Variants in ACYP2 observed in about 807,000 individuals in gnomAD.
ACYP2 encodes the protein acylphosphatase 2, also known as acylphosphatase-2.
A neutral mutation model predicts 11.2 loss-of-function variants in ACYP2; 12 were observed. That is an observed-to-expected ratio of 1.08 (90% CI 0.69 to 1.74). The LOEUF (loss-of-function observed/expected upper bound fraction) is 1.74, where lower values mean the gene tolerates loss of function less well. Ranked by LOEUF, ACYP2 falls within the 40% of genes most tolerant of loss-of-function variation. The pLI is 0.00. For missense variants in ACYP2, 134 were observed against 101.9 expected, an observed-to-expected ratio of 1.31 and a Z score of -1.35; for synonymous variants, 43 against 32.2, an observed-to-expected ratio of 1.33 and a Z score of -1.13.
intron 2 of ACYP2, among the ~76,000 whole-genome samples, chr2:54,040,841 T>C (rs771940780): frequency 6.6e-6 from 1 of 152,060 alleles, no homozygotes; most frequent in Non-Finnish European, 1.5e-5. Flanking sequence ...ATGGGGAATA[T>C]AGACAACCCC....
chr2:54,162,913 G>C (rs1274499180), intron 6 of ACYP2, among the ~76,000 whole-genome samples: 7 of 152,162 alleles, frequency 4.6e-5, no homozygotes, highest in Non-Finnish European at 1.0e-4. Context: ...GCTTGAGCCT[G>C]AGAAGTCAAG....
chr2:54,060,698 T>C (rs983912724), intron 4 of ACYP2, among the ~76,000 whole-genome samples: 2 of 152,228 alleles, frequency 1.3e-5, no homozygotes, highest in Admixed American at 6.5e-5. Context: ...CCATGTGTAG[T>C]CATAAGGCAT....
chr2:54,176,259 G>T (rs7558041), intron 6 of ACYP2, among the ~76,000 whole-genome samples: 1 of 152,094 alleles, frequency 6.6e-6, no homozygotes. Context: ...GCATTGTCTC[G>T]GTTATGCCCT....
intron 6 of ACYP2, among the ~76,000 whole-genome samples, chr2:54,193,455 C>T (rs1684322720): frequency 6.6e-6 from 1 of 152,062 alleles, no homozygotes; most frequent in Admixed American, 6.6e-5. Context: ...GGATGAGCTC[C>T]CAGAGCTGAC....
chr2:54,292,694 ACACACACACACACACG>A (rs1689361068), intron 6 of ACYP2, among the ~76,000 whole-genome samples: 1 of 147,146 alleles, frequency 6.8e-6, no homozygotes, highest in African/African-American at 2.7e-5. Flanking sequence ...ACACACACAC[ACACACACACACACACG>A]TGTATGTATC....
At chr2:54,246,447 C>T (rs1686954519) in intron 6 of ACYP2, among the ~76,000 whole-genome samples, 1 of 152,084 alleles carries the variant, frequency 6.6e-6, no homozygotes, top group African/African-American at 2.4e-5. Context: ...GTAAATATGG[C>T]ACATTTCTAA....
intron 2 of ACYP2, among the ~76,000 whole-genome samples, chr2:54,032,039 T>G (rs1458698372): frequency 6.6e-6 from 1 of 152,236 alleles, no homozygotes; most frequent in Non-Finnish European, 1.5e-5. Flanking sequence ...CTTTGTCAGA[T>G]GAGTAGATTG....
At chr2:54,024,438 G>T (rs897764478) in intron 2 of ACYP2, among the ~76,000 whole-genome samples, 6 of 152,082 alleles carry the variant, frequency 3.9e-5, no homozygotes, top group Non-Finnish European at 7.4e-5. Flanking sequence ...TTTAACATAC[G>T]CAAATCAATA....
Position 54,178,846 on chromosome 2 carries a change from C to T in ACYP2, c.404+40098C>T, listed in dbSNP as rs561669264. ...CCATGAACTTTTCAGTTCTGAGCTG[C>T]GAGTTCTGTTCATTATTCAGTGACC... On this transcript the variant is annotated intron_variant, in intron 6 of 6. Coordinates refer to ENST00000607452, the MANE Select transcript of ACYP2 (RefSeq NM_001320586.2). Among the ~76,000 whole-genome samples, 9 of 152,222 alleles carry T rather than the reference C, an allele frequency of 5.9e-5. No homozygotes were observed. The East Asian group carries it at 1.4e-3, about 23-fold the overall frequency.
At chr2:54,201,602 TTC>T (rs1193045909) in intron 6 of ACYP2, among the ~76,000 whole-genome samples, 1 of 86,272 alleles carries the variant, frequency 1.2e-5, no homozygotes, top group East Asian at 6.4e-4. Context: ...TTCTCTTTCT[TTC>T]TTTCTTTCTT....
intron 4 of ACYP2, among the ~76,000 whole-genome samples, chr2:54,113,192 G>C (rs1328794804): frequency 1.3e-5 from 2 of 151,758 alleles, no homozygotes; most frequent in African/African-American, 4.8e-5. Flanking sequence ...GTATTGTTCA[G>C]GGAATGATGA....
chr2:54,156,667 A>T (rs974755700), intron 6 of ACYP2, among the ~76,000 whole-genome samples: 1 of 151,944 alleles, frequency 6.6e-6, no homozygotes, highest in African/African-American at 2.4e-5. Context: ...TTATTTATGT[A>T]TTCATTTTTA....
intron 4 of ACYP2, chr2:54,065,556 A>C (rs1278835717): frequency 2.5e-6 from 1 of 398,458 alleles, no homozygotes; most frequent in Non-Finnish European, 4.4e-6. Flanking sequence ...AATAGTATTC[A>C]GAGCTGAGGC....
chr2:54,217,667 G>A lies in ACYP2; in HGVS notation c.404+78919G>A, dbSNP rs114352278. ...AGATTACAGGCGTGAGCCTGTATGTGCCTGGCCAGAGTTTCACTATTAATT... is the reference window on the plus strand; with the variant it reads ...AGATTACAGGCGTGAGCCTGTATGTACCTGGCCAGAGTTTCACTATTAATT... On this transcript the variant is annotated intron_variant, in intron 6 of 6. Coordinates refer to ENST00000607452, the MANE Select transcript of ACYP2 (RefSeq NM_001320586.2). Among the ~76,000 whole-genome samples, 800 of 152,184 alleles carry A rather than the reference G, an allele frequency of 5.3e-3. 5 individuals carry two copies. The highest frequency in any genetic ancestry group is 0.018 in the African/African-American group (766 of 41,530).
chr2:54,111,545 T>C (rs1053087742), intron 4 of ACYP2, among the ~76,000 whole-genome samples: 2 of 152,262 alleles, frequency 1.3e-5, no homozygotes, highest in African/African-American at 4.8e-5. Flanking sequence ...GCTTTGCTGA[T>C]AGAACGCTTA....
At chr2:54,298,287 A>G (rs1313774615) in intron 6 of ACYP2, among the ~76,000 whole-genome samples, 2 of 152,226 alleles carry the variant, frequency 1.3e-5, no homozygotes, top group Non-Finnish European at 2.9e-5. Flanking sequence ...TGTCTATTCA[A>G]AATTAAGACA....
intron 2 of ACYP2, among the ~76,000 whole-genome samples, chr2:53,997,245 C>A (rs1340040314): frequency 6.6e-6 from 1 of 152,056 alleles, no homozygotes; most frequent in Non-Finnish European, 1.5e-5. Flanking sequence ...TAGTATTGAC[C>A]CTTCCTCAGA....
chr2:54,052,157 A>T (rs1675902007), intron 3 of ACYP2, among the ~76,000 whole-genome samples: 1 of 152,138 alleles, frequency 6.6e-6, no homozygotes, highest in Admixed American at 6.5e-5. Context: ...GATGCTGAAT[A>T]AGTTTGTTTT....
intron 6 of ACYP2, among the ~76,000 whole-genome samples, chr2:54,239,109 A>G (rs906046461): frequency 1.3e-5 from 2 of 152,132 alleles, no homozygotes; most frequent in African/African-American, 2.4e-5. Context: ...TAGCTGCTCA[A>G]AAGGAATCCA....
Sources: gnomAD v4.1 joint callset for allele counts (sites outside exome capture counted in the v4.1 genomes callset) on GRCh38, gnomAD v4.1.1 for gene constraint, MANE v1.5 for transcripts, NCBI Gene and HGNC (gene_info 2026-07-23, HGNC 2026-07-21) for gene names.